CACNA1C: variants seen among roughly 807,000 people sequenced by gnomAD.
CACNA1C encodes calcium voltage-gated channel subunit alpha1 C.
Under a neutral mutation model 229.0 loss-of-function variants are expected in CACNA1C, and 30 were observed. That is an observed-to-expected ratio of 0.13 (90% CI 0.10 to 0.18). CACNA1C has a LOEUF of 0.18. Among genes scored for constraint, CACNA1C ranks in the 10% least tolerant of loss-of-function variants. The probability of loss-of-function intolerance (pLI) is 1.00; values close to 1 mark genes in which losing one functional copy is unlikely to be tolerated. For synonymous variants in CACNA1C, 1,114 were observed against 1,132.5 expected, an observed-to-expected ratio of 0.98 and a Z score of 0.33; for missense variants, 1,658 against 2,845.0, an observed-to-expected ratio of 0.58 and a Z score of 9.49.
chr12:2,331,134 C>A (rs1429275747), intron 3 of CACNA1C, among the ~76,000 whole-genome samples: 2 of 152,056 alleles, frequency 1.3e-5, no homozygotes, highest in African/African-American at 4.8e-5. Context: ...GTATGATACC[C>A]TAATAACATT....
At chr12:2,378,127 G>C (rs974715704) in intron 3 of CACNA1C, among the ~76,000 whole-genome samples, 1 of 152,134 alleles carries the variant, frequency 6.6e-6, no homozygotes, top group Non-Finnish European at 1.5e-5. Context: ...GTTTCTTCCA[G>C]TAATAATGAT....
intron 1 of CACNA1C, among the ~76,000 whole-genome samples, chr12:1,994,689 T>C (rs572169588): frequency 1.3e-5 from 2 of 152,216 alleles, no homozygotes; most frequent in Non-Finnish European, 2.9e-5. Flanking sequence ...AAATGATTTT[T>C]TAAATGGGAT....
Position 2,691,380 on chromosome 12 carries a change from G to C in CACNA1C, c.*181G>C. The C allele has an allele frequency of 1.7e-6, 1 of 595,650 alleles. No individual in the cohort carries two copies. 36.9% of individuals were successfully genotyped at this position (595,650 alleles called of 1,614,324 possible). On this transcript the variant is annotated 3_prime_UTR_variant, in exon 47 of 47. Coordinates refer to ENST00000399655, the MANE Select transcript of CACNA1C (RefSeq NM_000719.7). ...CCGCCCTCCGGGAGGAAGGCGCCCGGCTGCGTCTGCAGAGGCGGGGAGAGG... is the reference window on the plus strand; with the variant it reads ...CCGCCCTCCGGGAGGAAGGCGCCCGCCTGCGTCTGCAGAGGCGGGGAGAGG...
At position 2,639,795 on chromosome 12, in the gene CACNA1C, G is replaced by A. The variant is rs571277946; in HGVS notation, c.3912+5415G>A. On this transcript the variant is annotated intron_variant, in intron 30 of 46. Transcript: ENST00000399655. This position sits in a 1 kb window ranked among gnomAD's most constrained non-coding sequence, Gnocchi z 4.2. ...AATCATCTGCATAGAGATAATCCCT[G>A]AAGCCACAGTGCTGAAGGGCAGCAA... Among the ~76,000 whole-genome samples the A allele has an allele frequency of 6.6e-6, 1 of 152,256 alleles. No individual in the cohort carries two copies. Among genetic ancestry groups the A allele is most frequent in the Non-Finnish European group, 1.5e-5 (1 of 68,014 alleles).
Position 2,666,377 on chromosome 12 carries a change from C to T in CACNA1C, c.4527-309C>T, listed in dbSNP as rs912909130. ...TGACCCTCAGTAAATACCTTTTGGT[C>T]AGAAGGTTAGTTCATTCAATCAGCA... On this transcript the variant is annotated intron_variant, in intron 36 of 46. Transcript: ENST00000399655. This position sits in a 1 kb window ranked among gnomAD's most constrained non-coding sequence, Gnocchi z 5.3. Among the ~76,000 whole-genome samples, 1 of 152,164 alleles carries T rather than the reference C, an allele frequency of 6.6e-6. No individual in the cohort carries two copies. The highest frequency in any genetic ancestry group is 1.5e-5 in the Non-Finnish European group (1 of 68,040).
intron 3 of CACNA1C, among the ~76,000 whole-genome samples, chr12:2,183,318 G>A (rs1444961883): frequency 6.6e-6 from 1 of 152,154 alleles, no homozygotes; most frequent in Non-Finnish European, 1.5e-5. Flanking sequence ...CTTCGCCTGA[G>A]GGGCATGAGT....
chr12:2,680,420 C>T (rs539117761), intron 42 of CACNA1C: 2 of 1,561,156 alleles, frequency 1.3e-6, no homozygotes, highest in Admixed American at 1.9e-5. Context: ...TGGGCCCCCG[C>T]AGGGCTCCTC....
intron 3 of CACNA1C, among the ~76,000 whole-genome samples, chr12:2,405,550 A>G (rs61291672): frequency 0.09 from 13,678 of 152,138 alleles, 700 homozygotes; most frequent in Middle Eastern, 0.14. Context: ...TTAGAACTCC[A>G]TTTTTATCTA....
At position 2,346,751 on chromosome 12, in the gene CACNA1C, G is replaced by C. The variant is rs551112650; in HGVS notation, c.478-102225G>C. 6.6e-6 allele frequency among the ~76,000 whole-genome samples: 1 copy of C among 152,298 alleles called. No homozygotes were observed. Among genetic ancestry groups the C allele is most frequent in the African/African-American group, 2.4e-5 (1 of 41,564 alleles). The stretch of plus-strand genomic sequence containing the variant: ...GAAATCAGGAGTCAAACGTGACTTG[G>C]ACATTAAAACTTGATTTTGCATCCA... On this transcript the variant is annotated intron_variant, in intron 3 of 46. Coordinates refer to ENST00000399655, the MANE Select transcript of CACNA1C (RefSeq NM_000719.7). The surrounding 1 kb of genome is among the most constrained non-coding windows in gnomAD (Gnocchi z 4.4).
At chr12:2,487,536 C>A (rs956160574) in intron 6 of CACNA1C, among the ~76,000 whole-genome samples, 2 of 150,642 alleles carry the variant, frequency 1.3e-5, no homozygotes, top group Non-Finnish European at 3.0e-5. Flanking sequence ...AACAAAAAAC[C>A]ACACACACAA....
chr12:2,109,763 G>C (rs916718668), intron 1 of CACNA1C, among the ~76,000 whole-genome samples: 5 of 152,204 alleles, frequency 3.3e-5, no homozygotes, highest in South Asian at 2.1e-4. Flanking sequence ...GTGGGCAAGA[G>C]ATAGGTAGTG....
chr12:2,093,427 CAGG>C (rs1395100528), intron 1 of CACNA1C, among the ~76,000 whole-genome samples: 1 of 152,344 alleles, frequency 6.6e-6, no homozygotes, highest in African/African-American at 2.4e-5. Context: ...TATGTTGGAG[CAGG>C]AGGAGAAGTT....
chr12:2,311,432 A>G (rs1178301025), intron 3 of CACNA1C, among the ~76,000 whole-genome samples: 1 of 152,210 alleles, frequency 6.6e-6, no homozygotes, highest in East Asian at 1.9e-4. Flanking sequence ...CAGATCAACC[A>G]GAGGATGCAG....
In CACNA1C at chr12:2,595,048, C is replaced by A; in HGVS notation, c.2664-826C>A. On this transcript the variant is annotated intron_variant, in intron 19 of 46. Transcript: ENST00000399655. The surrounding 1 kb of genome is among the most constrained non-coding windows in gnomAD (Gnocchi z 4.1). ...GGTTTGAAGCAGATGATTCTTACAGCCATCTCCTAACTCTTATAAACCAGA... is the reference window on the plus strand; with the variant it reads ...GGTTTGAAGCAGATGATTCTTACAGACATCTCCTAACTCTTATAAACCAGA... Among the ~76,000 whole-genome samples, 1 of 152,196 alleles carries A rather than the reference C, an allele frequency of 6.6e-6. No individual in the cohort carries two copies. The highest frequency in any genetic ancestry group is 1.9e-4 in the East Asian group (1 of 5,194).
intron 13 of CACNA1C, among the ~76,000 whole-genome samples, chr12:2,580,432 T>G (rs1419291902): frequency 1.3e-5 from 2 of 152,154 alleles, no homozygotes; most frequent in African/African-American, 2.4e-5. Context: ...GCAAAAGCAA[T>G]CCACTGTCTG....
At position 2,584,508 on chromosome 12, in the gene CACNA1C, C is replaced by T; in HGVS notation, c.2230C>T (p.Leu744=). ...TTAAGAATGGACACAAACAGATATC[C>T]TACTGAATGTGTTCTTGGCCATTGC... ...IILFICGNYI[L]LNVFLAIAVD... is the part of the protein sequence containing the mutation. The change falls in exon 16 of 47, where the codon CTA becomes TTA. Residue 744 remains leucine, a synonymous_variant. Transcript: ENST00000399655. 1 of 1,608,482 alleles carries T rather than the reference C, an allele frequency of 6.2e-7. No individual in the cohort carries two copies. Among genetic ancestry groups the T allele is most frequent in the South Asian group, 1.1e-5 (1 of 90,942 alleles).
chr12:2,194,622 A>G (rs528499343), intron 3 of CACNA1C, among the ~76,000 whole-genome samples: 2 of 152,178 alleles, frequency 1.3e-5, no homozygotes, highest in South Asian at 4.1e-4. Context: ...TCTTGTTTAC[A>G]TACCCTCTCC....
chr12:2,552,202 T>A (rs2041674384), intron 10 of CACNA1C, among the ~76,000 whole-genome samples: 1 of 152,228 alleles, frequency 6.6e-6, no homozygotes, highest in Non-Finnish European at 1.5e-5. Flanking sequence ...TTCAACAGTC[T>A]GCCCAGCTTG....
chr12:1,999,943 A>G (rs1450879929), intron 1 of CACNA1C, among the ~76,000 whole-genome samples: 1 of 152,214 alleles, frequency 6.6e-6, no homozygotes, highest in African/African-American at 2.4e-5. Flanking sequence ...GAAAAAATAT[A>G]TATACAGAAA....
Sources: allele counts gnomAD v4.1 joint callset (sites outside exome capture counted in the v4.1 genomes callset), GRCh38; gene constraint gnomAD v4.1.1; non-coding constraint Gnocchi (gnomAD v3.1); transcripts MANE v1.5; gene names NCBI Gene and HGNC (gene_info 2026-07-23, HGNC 2026-07-21).